MARCHF5: variants seen among roughly 807,000 people sequenced by gnomAD.
MARCHF5 encodes the protein membrane associated ring-CH-type finger 5, also known as E3 ubiquitin-protein ligase MARCHF5.
In MARCHF5, 5 loss-of-function variants were observed where a neutral mutation model predicts 36.5. The observed-to-expected ratio is 0.14, with a 90% CI of 0.07 to 0.29. The LOEUF (loss-of-function observed/expected upper bound fraction) is 0.29, where lower values mean the gene tolerates loss of function less well. Ranked by LOEUF, MARCHF5 falls within the 10% of genes least tolerant of loss-of-function variation. MARCHF5 has a pLI of 1.00. For synonymous variants in MARCHF5, 103 were observed against 109.9 expected (o/e 0.94, Z 0.39); for missense variants, 179 against 336.3 (o/e 0.53, Z 3.66).
At chr10:92,341,805 T>TTG (rs1843582857) in intron 3 of MARCHF5, among the ~76,000 whole-genome samples, 1 of 130,510 alleles carries the variant, frequency 7.7e-6, no homozygotes, top group African/African-American at 2.6e-5. Flanking sequence ...TTTTTTTTTT[T>TTG]GAGACAAGGT....
At chr10:92,317,749 A>T (rs1397996739) in intron 2 of MARCHF5, among the ~76,000 whole-genome samples, 13 of 149,054 alleles carry the variant, frequency 8.7e-5, no homozygotes, top group South Asian at 2.1e-4. Context: ...CCCAATCTGA[A>T]TGCTTTTTTT....
At chr10:92,307,875 G>T (rs1417287321) in intron 1 of MARCHF5, among the ~76,000 whole-genome samples, 3 of 151,848 alleles carry the variant, frequency 2.0e-5, no homozygotes, top group Non-Finnish European at 4.4e-5. Context: ...TTGGGCTGCT[G>T]GTTGCCCATT....
intron 2 of MARCHF5, among the ~76,000 whole-genome samples, chr10:92,332,246 T>A (rs1455475073): frequency 6.6e-6 from 1 of 151,876 alleles, no homozygotes; most frequent in Non-Finnish European, 1.5e-5. Context: ...TAAAAAGTTG[T>A]CCAAGAACAT....
intron 2 of MARCHF5, 77 bp downstream of exon 2, chr10:92,311,414 A>T: frequency 1.1e-5 from 11 of 988,140 alleles, no homozygotes; most frequent in South Asian, 3.6e-5. Context: ...TTTAAAATGA[A>T]CCACCTCTTT....
rs753270782 is a variant in MARCHF5 at position 92,352,406 on chromosome 10, C to T, written c.*1199C>T. 1.3e-5 allele frequency: 2 copies of T among 152,166 alleles called. No homozygotes were observed. Among genetic ancestry groups the T allele is most frequent in the Non-Finnish European group, 2.9e-5 (2 of 68,026 alleles). 9.4% of individuals were successfully genotyped at this position (152,166 alleles called of 1,614,324 possible). On this transcript the variant is annotated 3_prime_UTR_variant, in exon 6 of 6. Coordinates refer to ENST00000358935, the MANE Select transcript of MARCHF5 (RefSeq NM_017824.5). ...GATTTTAATTGTCCTATTGATGAGG[C>T]TAGCACCTTAATCACTGTTTAGTTT...
At chr10:92,348,382 G>A (rs748934713) in intron 3 of MARCHF5, among the ~76,000 whole-genome samples, 4 of 151,658 alleles carry the variant, frequency 2.6e-5, no homozygotes, top group Non-Finnish European at 4.4e-5. Context: ...CCAGCTACTC[G>A]GGAGGCTAAG....
At chr10:92,291,947 C>G (rs79853919) in intron 1 of MARCHF5, among the ~76,000 whole-genome samples, 1 of 152,066 alleles carries the variant, frequency 6.6e-6, no homozygotes, top group Non-Finnish European at 1.5e-5. Flanking sequence ...GTCTGAGAAC[C>G]AATGATAAGC....
chr10:92,317,264 A>T (rs1384984820), intron 2 of MARCHF5, among the ~76,000 whole-genome samples: 1 of 151,778 alleles, frequency 6.6e-6, no homozygotes, highest in Admixed American at 6.6e-5. Context: ...ACGCCTGACT[A>T]ATTTTTGTAT....
chr10:92,292,298 C>T (rs1003276944), intron 1 of MARCHF5, among the ~76,000 whole-genome samples: 1 of 152,076 alleles, frequency 6.6e-6, no homozygotes, highest in Non-Finnish European at 1.5e-5. Context: ...GTGGGTCCTA[C>T]CATGAGTTTT....
chr10:92,324,946 T>C (rs960929834), intron 2 of MARCHF5, among the ~76,000 whole-genome samples: 5 of 152,178 alleles, frequency 3.3e-5, no homozygotes, highest in African/African-American at 1.2e-4. Context: ...GAGAAAAACA[T>C]GTATTCTGCT....
At chr10:92,340,535 G>T (rs774619303) in intron 2 of MARCHF5, 138 bp from the exon 3 acceptor site, 8 of 733,516 alleles carry the variant, frequency 1.1e-5, no homozygotes, top group Non-Finnish European at 1.7e-5. Context: ...TCATGCCACT[G>T]CACTATAATC....
intron 2 of MARCHF5, among the ~76,000 whole-genome samples, chr10:92,327,270 T>C (rs567528219): frequency 1.3e-4 from 19 of 151,792 alleles, no homozygotes; most frequent in Non-Finnish European, 2.4e-4. Flanking sequence ...TTCTTAGCAG[T>C]ATATCGTAGA....
chr10:92,316,909 A>G (rs866142557), intron 2 of MARCHF5, among the ~76,000 whole-genome samples: 2 of 152,190 alleles, frequency 1.3e-5, no homozygotes, highest in African/African-American at 4.8e-5. Flanking sequence ...TTCTATGCAC[A>G]TTAAATTTAA....
At chr10:92,302,208 C>G (rs1187669982) in intron 1 of MARCHF5, among the ~76,000 whole-genome samples, 2 of 152,044 alleles carry the variant, frequency 1.3e-5, no homozygotes. Context: ...GTTGAATGAA[C>G]AGATGCAGAA....
chr10:92,345,476 G>A (rs186089663), intron 3 of MARCHF5, among the ~76,000 whole-genome samples: 61 of 152,142 alleles, frequency 4.0e-4, no homozygotes, highest in Admixed American at 7.2e-4. Flanking sequence ...CAGCCTGGGC[G>A]ACAGAGCAAG....
At chr10:92,335,580 T>A (rs1843492327) in intron 2 of MARCHF5, among the ~76,000 whole-genome samples, 1 of 152,204 alleles carries the variant, frequency 6.6e-6, no homozygotes. Flanking sequence ...TCAGAAAAAC[T>A]AGAATTAGGT....
chr10:92,311,013 A>T (rs1296687015), intron 1 of MARCHF5, 122 bp from the exon 2 acceptor site: 1 of 688,836 alleles, frequency 1.5e-6, no homozygotes, highest in East Asian at 2.7e-5. Context: ...TAGTCTTTTA[A>T]TATAGGACAG....
chr10:92,307,764 A>G (rs1321826877), intron 1 of MARCHF5, among the ~76,000 whole-genome samples: 1 of 151,868 alleles, frequency 6.6e-6, no homozygotes, highest in Non-Finnish European at 1.5e-5. Context: ...TAATCCTACT[A>G]CTTGGGAGGC....
At position 92,349,595 on chromosome 10, in the gene MARCHF5, C is replaced by G. The variant is rs973284411; in HGVS notation, c.553+63C>G. On this transcript the variant is annotated intron_variant, in intron 4 of 5. Transcript: ENST00000358935. ...ATTGATCTTGAAGAACAATAACATG[C>G]TTTTTTAGCCATGTTTGAAGGTAGT... 2.5e-6 allele frequency: 4 copies of G among 1,592,214 alleles called. No individual in the cohort carries two copies. In the Admixed American group the frequency reaches 5.2e-5, roughly 21 times the overall value.
Sources: gnomAD v4.1 joint callset for allele counts (sites outside exome capture counted in the v4.1 genomes callset) on GRCh38, gnomAD v4.1.1 for gene constraint, MANE v1.5 for transcripts, NCBI Gene and HGNC (gene_info 2026-07-23, HGNC 2026-07-21) for gene names.